The following NCOA1 variants were observed in gnomAD, a reference collection of about 807,000 sequenced individuals.
NCOA1 encodes Hin-2 protein.
A neutral mutation model predicts 150.9 loss-of-function variants in NCOA1; 35 were observed. The ratio of observed to expected loss-of-function variants is 0.23; its 90% CI spans 0.18 to 0.31. The LOEUF (loss-of-function observed/expected upper bound fraction) is 0.31, where lower values mean the gene tolerates loss of function less well. NCOA1 is among the 10% of genes least tolerant of loss of function. The probability of loss-of-function intolerance (pLI) is 1.00; values close to 1 mark genes in which losing one functional copy is unlikely to be tolerated. For synonymous variants in NCOA1, 590 were observed against 630.0 expected (o/e 0.94, Z 0.95); for missense variants, 1,491 against 1,749.3 (o/e 0.85, Z 2.63).
chr2:24,519,969 A>G (rs1322027553), intron 1 of NCOA1, among the ~76,000 whole-genome samples: 1 of 152,252 alleles, frequency 6.6e-6, no homozygotes, highest in Non-Finnish European at 1.5e-5. Flanking sequence ...CTGTACAGAG[A>G]GTTTACTAAC....
At chr2:24,553,411 G>T (rs1345587430) in intron 1 of NCOA1, among the ~76,000 whole-genome samples, 1 of 151,980 alleles carries the variant, frequency 6.6e-6, no homozygotes, top group African/African-American at 2.4e-5. Flanking sequence ...TAGAGACGGG[G>T]TTTCACCTTG....
At position 24,706,793 on chromosome 2, in the gene NCOA1, C is replaced by G. The variant is rs200201689; in HGVS notation, c.1323C>G (p.Phe441Leu). The G allele has an allele frequency of 3.7e-6, 6 of 1,614,050 alleles. No homozygotes were observed. The highest frequency in any genetic ancestry group is 5.1e-6 in the Non-Finnish European group (6 of 1,180,034). Residue 441 changes from phenylalanine to leucine, a missense_variant, in exon 13 of 23, where the codon TTC (phenylalanine) becomes TTG (leucine). Physicochemically the swap from Phe to Leu is conservative, Grantham distance 22. Transcript: ENST00000348332. ...HSNSSNSQGS[F>L]GCSPGSQIVA... ...ATTCTAGCAACAGCCAAGGAAGTTT[C>G]GGATGCTCACCCGGAAGTCAGATTG...
At chr2:24,744,149 T>C (rs1663761915) in intron 19 of NCOA1, among the ~76,000 whole-genome samples, 1 of 152,222 alleles carries the variant, frequency 6.6e-6, no homozygotes, top group South Asian at 2.1e-4. Flanking sequence ...TGGAGCTTCC[T>C]CTTTCCCCGT....
chr2:24,722,140 A>G (rs925510251), intron 14 of NCOA1, among the ~76,000 whole-genome samples: 2 of 152,198 alleles, frequency 1.3e-5, no homozygotes, highest in African/African-American at 4.8e-5. Flanking sequence ...AACTTCCCCA[A>G]AGTAGTATTT....
At chr2:24,535,375 C>T (rs925743356) in intron 1 of NCOA1, among the ~76,000 whole-genome samples, 2 of 152,142 alleles carry the variant, frequency 1.3e-5, no homozygotes, top group Non-Finnish European at 2.9e-5. Context: ...CTGAATACAG[C>T]ACACTGATGG....
At chr2:24,520,945 C>T (rs1217415441) in intron 1 of NCOA1, among the ~76,000 whole-genome samples, 1 of 78,376 alleles carries the variant, frequency 1.3e-5, no homozygotes, top group Non-Finnish European at 3.1e-5. Context: ...TATTCCAGGC[C>T]GCTTCCTGCC....
At chr2:24,768,180 C>T (rs1235296972) in intron 22 of NCOA1, 41 bp from the exon 23 acceptor site, 5 of 1,613,122 alleles carry the variant, frequency 3.1e-6, no homozygotes. Flanking sequence ...GCCGGGGGGG[C>T]AGACCCTTCT....
At chr2:24,509,942 T>C (rs1440923815) in intron 1 of NCOA1, among the ~76,000 whole-genome samples, 3 of 152,232 alleles carry the variant, frequency 2.0e-5, no homozygotes, top group African/African-American at 4.8e-5. Flanking sequence ...TTATAATGAA[T>C]AAAACTATTA....
intron 1 of NCOA1, among the ~76,000 whole-genome samples, chr2:24,517,722 C>T (rs901586794): frequency 6.6e-6 from 1 of 152,118 alleles, no homozygotes; most frequent in Non-Finnish European, 1.5e-5. Flanking sequence ...GTAGTTGTTG[C>T]TAGCTTTTTC....
chr2:24,674,262 GTGGTGTGGTC>G (rs1405934441), intron 7 of NCOA1, among the ~76,000 whole-genome samples: 1 of 150,912 alleles, frequency 6.6e-6, no homozygotes, highest in Admixed American at 6.6e-5. Flanking sequence ...CTGGAGTGCA[GTGGTGTGGTC>G]TCGGTTCACT....
chr2:24,603,562 T>C (rs552185708), intron 3 of NCOA1, among the ~76,000 whole-genome samples: 2 of 152,368 alleles, frequency 1.3e-5, no homozygotes, highest in South Asian at 4.1e-4. Context: ...GTTCACACAG[T>C]ATCTTCACCA....
intron 1 of NCOA1, among the ~76,000 whole-genome samples, chr2:24,531,641 G>A (rs995768327): frequency 1.3e-5 from 2 of 152,134 alleles, no homozygotes; most frequent in Non-Finnish European, 2.9e-5. Context: ...GGTGTGTGAT[G>A]TGTCCTGCCC....
At chr2:24,506,011 C>T (rs1663678389) in intron 1 of NCOA1, among the ~76,000 whole-genome samples, 1 of 151,108 alleles carries the variant, frequency 6.6e-6, no homozygotes. Context: ...AATGAGTGAG[C>T]ATTGGGAGCC....
At chr2:24,712,712 C>T (rs1052961657) in intron 14 of NCOA1, among the ~76,000 whole-genome samples, 4 of 149,516 alleles carry the variant, frequency 2.7e-5, no homozygotes, top group Non-Finnish European at 4.4e-5. Context: ...AAATGTATTA[C>T]CCCTGAAAAT....
intron 16 of NCOA1, 78 bp downstream of exon 16, chr2:24,728,554 T>C (rs2148639631): frequency 1.6e-6 from 2 of 1,258,402 alleles, no homozygotes; most frequent in Non-Finnish European, 2.2e-6. Flanking sequence ...GATTTTAAAG[T>C]ATTGTACCCA....
chr2:24,671,091 T>C (rs1671660463), intron 6 of NCOA1, among the ~76,000 whole-genome samples: 1 of 152,100 alleles, frequency 6.6e-6, no homozygotes, highest in Non-Finnish European at 1.5e-5. Flanking sequence ...ATACCAAAAA[T>C]AGTTTATTAT....
intron 5 of NCOA1, 105 bp from the exon 6 acceptor site, chr2:24,665,644 C>T (rs372699394): frequency 7.5e-6 from 7 of 934,652 alleles, no homozygotes; most frequent in South Asian, 4.6e-5. Flanking sequence ...TTTATATTTT[C>T]GATAAAAATA....
intron 1 of NCOA1, among the ~76,000 whole-genome samples, chr2:24,556,669 C>A (rs1348998603): frequency 6.6e-6 from 1 of 152,114 alleles, no homozygotes; most frequent in Non-Finnish European, 1.5e-5. Context: ...AAATCAAAAT[C>A]ACAGTGAGAT....
chr2:24,761,232 T>C (rs1406795334), intron 21 of NCOA1, among the ~76,000 whole-genome samples: 1 of 152,222 alleles, frequency 6.6e-6, no homozygotes, highest in Non-Finnish European at 1.5e-5. Flanking sequence ...TTCAGTTGCA[T>C]GTATAGTGCA....
Sources: allele counts gnomAD v4.1 joint callset (sites outside exome capture counted in the v4.1 genomes callset), GRCh38; gene constraint gnomAD v4.1.1; transcripts MANE v1.5; gene names NCBI Gene and HGNC (gene_info 2026-07-23, HGNC 2026-07-21).